Variants in GALNT10 observed in about 807,000 individuals in gnomAD.
GALNT10 encodes polypeptide N-acetylgalactosaminyltransferase 10.
A neutral mutation model predicts 75.0 loss-of-function variants in GALNT10; 41 were observed. That is an observed-to-expected ratio of 0.55 (90% CI 0.43 to 0.71). The LOEUF is 0.71. Among genes scored for constraint, GALNT10 ranks in the 30% least tolerant of loss-of-function variants. The pLI, the probability that GALNT10 is intolerant of heterozygous loss-of-function variation, is 0.00. For missense variants in GALNT10, 727 were observed against 818.5 expected (o/e 0.89, Z 1.36); for synonymous variants, 302 against 313.0 (o/e 0.96, Z 0.37).
rs375207589 is a variant in GALNT10 at position 154,380,664 on chromosome 5, G to A, written c.938+33G>A. On this transcript the variant is annotated intron_variant, in intron 6 of 11. Transcript: ENST00000297107. ...TGAACAACCCTGGCTGGTCCCAGTG[G>A]CTACCCAGTGACCACTCCCAACACG... 12 of 1,502,424 alleles carry A rather than the reference G, an allele frequency of 8.0e-6. No individual in the cohort carries two copies. The African/African-American group carries it at 1.5e-4, about 19-fold the overall frequency. 93.1% of individuals were successfully genotyped at this position (1,502,424 alleles called of 1,614,324 possible).
chr5:154,322,481 C>G (rs1037482244), intron 3 of GALNT10, among the ~76,000 whole-genome samples: 15 of 152,048 alleles, frequency 9.9e-5, no homozygotes, highest in African/African-American at 3.6e-4. Flanking sequence ...CTCCTCAAAC[C>G]CATCTCCAGG....
chr5:154,385,323 A>T (rs115448861), intron 6 of GALNT10, among the ~76,000 whole-genome samples: 14 of 152,200 alleles, frequency 9.2e-5, no homozygotes, highest in African/African-American at 2.9e-4. Context: ...CTCACTTAGC[A>T]CGGTGCCAGG....
chr5:154,265,878 T>C (rs1163232542), intron 1 of GALNT10, among the ~76,000 whole-genome samples: 1 of 149,568 alleles, frequency 6.7e-6, no homozygotes, highest in African/African-American at 2.5e-5. Context: ...CTGGAGTTTT[T>C]CTATTGAGAC....
chr5:154,232,948 A>C (rs116171221), intron 1 of GALNT10, among the ~76,000 whole-genome samples: 1,595 of 152,282 alleles, frequency 0.01, 21 homozygotes, highest in African/African-American at 0.036. Context: ...TAGTTAACAG[A>C]GTATATATGG....
intron 1 of GALNT10, among the ~76,000 whole-genome samples, chr5:154,287,986 A>C (rs2113064956): frequency 6.7e-6 from 1 of 150,100 alleles, no homozygotes; most frequent in South Asian, 2.1e-4. Context: ...GAAGTTTATT[A>C]ATCTACTTGG....
At chr5:154,301,744 A>G (rs1754362957) in intron 3 of GALNT10, among the ~76,000 whole-genome samples, 1 of 152,112 alleles carries the variant, frequency 6.6e-6, no homozygotes. Flanking sequence ...TTTCTTTAAA[A>G]TCTGGTACAT....
At chr5:154,308,390 G>A (rs1046282401) in intron 3 of GALNT10, among the ~76,000 whole-genome samples, 6 of 152,194 alleles carry the variant, frequency 3.9e-5, no homozygotes, top group South Asian at 2.1e-4. Context: ...AGTTTGGCTC[G>A]AGGAGTAGAA....
chr5:154,370,183 T>C (rs553708554), intron 4 of GALNT10, among the ~76,000 whole-genome samples: 1 of 152,384 alleles, frequency 6.6e-6, no homozygotes, highest in South Asian at 2.1e-4. Context: ...AACTGGGACC[T>C]GCTTCCCTCA....
Position 154,384,695 on chromosome 5 carries a change from T to C in GALNT10, c.939-1618T>C, listed in dbSNP as rs78039400. Reference sequence around the variant, plus strand: ...GTTCCGAATTTCTCACGCCCTGTTCTTTGCATGCATCACCTGCTTCTCGAG... The same window carrying C: ...GTTCCGAATTTCTCACGCCCTGTTCCTTGCATGCATCACCTGCTTCTCGAG... On this transcript the variant is annotated intron_variant, in intron 6 of 11. Transcript: ENST00000297107. 1.7e-3 allele frequency among the ~76,000 whole-genome samples: 257 copies of C among 152,348 alleles called. 3 individuals carry two copies. The East Asian group carries it at 0.038, about 23-fold the overall frequency.
chr5:154,236,515 AT>A (rs1457623165), intron 1 of GALNT10, among the ~76,000 whole-genome samples: 1 of 152,180 alleles, frequency 6.6e-6, no homozygotes, highest in Non-Finnish European at 1.5e-5. Flanking sequence ...TGTTAGAAGT[AT>A]TTTTAAAAGC....
intron 1 of GALNT10, among the ~76,000 whole-genome samples, chr5:154,235,674 T>C (rs1451644691): frequency 6.6e-6 from 1 of 152,230 alleles, no homozygotes; most frequent in Non-Finnish European, 1.5e-5. Context: ...TTAATCACTT[T>C]GATCCTCAAT....
intron 1 of GALNT10, among the ~76,000 whole-genome samples, chr5:154,251,958 A>ATATT (rs3048602): frequency 0.63 from 95,715 of 151,412 alleles, 30,859 homozygotes; most frequent in East Asian, 0.86. Context: ...TCATAAATAT[A>ATATT]TAAATTAAAG....
Position 154,412,935 on chromosome 5 carries a change from C to T in GALNT10, c.1433C>T (p.Ala478Val). The stretch of plus-strand genomic sequence containing the variant: ...CTGTGTGCAGACACAAAGCACGGGG[C>T]CTTGGGCTCCCCACTAAGGCTAGAG... ...TGLCADTKHG[A>V]LGSPLRLEGC... The change falls in exon 10 of 12, where the codon GCC becomes GTC. Residue 478 changes from alanine (A) to valine (V), a missense_variant. Physicochemically the swap from Ala to Val is moderately conservative, Grantham distance 64. Transcript: ENST00000297107. The surrounding 1 kb of genome is among the most constrained non-coding windows in gnomAD (Gnocchi z 4.2). 6.2e-7 allele frequency: 1 copy of T among 1,613,774 alleles called. No homozygotes were observed. Among genetic ancestry groups the T allele is most frequent in the South Asian group, 1.1e-5 (1 of 91,076 alleles).
At chr5:154,256,981 ACAGGCTCGGC>A (rs1459941305) in intron 1 of GALNT10, among the ~76,000 whole-genome samples, 5 of 152,064 alleles carry the variant, frequency 3.3e-5, no homozygotes, top group Admixed American at 1.3e-4. Flanking sequence ...AGGTGTAGAA[ACAGGCTCGGC>A]CAGGCATTAC....
At chr5:154,395,388 C>T (rs1427543119) in intron 7 of GALNT10, among the ~76,000 whole-genome samples, 1 of 152,204 alleles carries the variant, frequency 6.6e-6, no homozygotes, top group Admixed American at 6.5e-5. Flanking sequence ...TTAACCTCTC[C>T]TCTTTATATT....
intron 1 of GALNT10, among the ~76,000 whole-genome samples, chr5:154,207,792 CT>C (rs1314904485): frequency 6.6e-6 from 1 of 152,104 alleles, no homozygotes; most frequent in Non-Finnish European, 1.5e-5. Flanking sequence ...CTCATTATTC[CT>C]GGCCCCAGGA....
intron 11 of GALNT10, 36 bp downstream of exon 11, chr5:154,415,968 T>C (rs1756499239): frequency 6.2e-7 from 1 of 1,601,820 alleles, no homozygotes; most frequent in South Asian, 1.1e-5. Context: ...GGCACCTGCT[T>C]AATTTTTTTT....
chr5:154,221,676 T>C (rs1752980850), intron 1 of GALNT10, among the ~76,000 whole-genome samples: 2 of 152,348 alleles, frequency 1.3e-5, no homozygotes, highest in Admixed American at 1.3e-4. Flanking sequence ...CTCTAAGTAT[T>C]GGACTGCCAG....
intron 1 of GALNT10, among the ~76,000 whole-genome samples, chr5:154,223,164 C>T (rs1486907342): frequency 6.6e-6 from 1 of 152,176 alleles, no homozygotes; most frequent in African/African-American, 2.4e-5. Flanking sequence ...CAGACATGGA[C>T]ACTGTTCTCA....
Sources: gnomAD v4.1 joint callset for allele counts (sites outside exome capture counted in the v4.1 genomes callset) on GRCh38, gnomAD v4.1.1 for gene constraint, Gnocchi (gnomAD v3.1) non-coding constraint, MANE v1.5 for transcripts, NCBI Gene and HGNC (gene_info 2026-07-23, HGNC 2026-07-21) for gene names.